The following KCTD1 variants were observed in gnomAD, a reference collection of about 807,000 sequenced individuals.
KCTD1 encodes potassium channel tetramerization domain containing 1, also known as BTB/POZ domain-containing protein KCTD1.
KCTD1 carries 24 observed loss-of-function variants against 66.0 expected under a neutral mutation model. The ratio of observed to expected loss-of-function variants is 0.36; its 90% CI spans 0.26 to 0.51. KCTD1 has a LOEUF of 0.51. KCTD1 is among the 20% of genes least tolerant of loss of function. The pLI is 0.95. For synonymous variants in KCTD1, 511 were observed against 517.2 expected (o/e 0.99, Z 0.16); for missense variants, 943 against 1,205.2 (o/e 0.78, Z 3.22).
upstream of KCTD1, among the ~76,000 whole-genome samples, chr18:26,632,615 A>T (rs908516038): frequency 6.6e-6 from 1 of 152,242 alleles, no homozygotes; most frequent in Admixed American, 6.5e-5. Flanking sequence ...AGAGAATACA[A>T]GAGTTTGAGG....
At chr18:26,603,371 G>A (rs1301356570) in intron 1 of KCTD1, among the ~76,000 whole-genome samples, 3 of 150,824 alleles carry the variant, frequency 2.0e-5, no homozygotes, top group African/African-American at 7.3e-5. Context: ...GGTTGAGGCT[G>A]CAGTGAACCA....
chr18:26,465,666 G>A (rs150216149), intron 3 of KCTD1, among the ~76,000 whole-genome samples: 3,142 of 152,330 alleles, frequency 0.021, 45 homozygotes, highest in Middle Eastern at 0.075. Context: ...CCGTGTCAGG[G>A]TGCTGACGGC....
At chr18:26,604,145 A>G (rs957737347) in intron 1 of KCTD1, among the ~76,000 whole-genome samples, 24 of 152,262 alleles carry the variant, frequency 1.6e-4, no homozygotes, top group Non-Finnish European at 4.4e-5. Flanking sequence ...CATGTGGCCA[A>G]CAAGTATATG....
intron 1 of KCTD1, among the ~76,000 whole-genome samples, chr18:26,515,580 A>T (rs566574687): frequency 6.9e-6 from 1 of 144,342 alleles, no homozygotes; most frequent in African/African-American, 2.6e-5. Flanking sequence ...TGCTCGGCTC[A>T]CTGCAACCTC....
In KCTD1 at chr18:26,585,206, A is replaced by G. The variant is rs947676769; in HGVS notation, c.-16+43941T>C. ...GGACCTCTATCTGTTGGGAAGGTAC[A>G]TTCCTTGTACATTTTGGCCACCGGC... On this transcript the variant is annotated intron_variant, in intron 1 of 4. Coordinates refer to the KCTD1 transcript ENST00000317932. 3.9e-5 allele frequency among the ~76,000 whole-genome samples: 6 copies of G among 152,308 alleles called. No homozygotes were observed. The South Asian group carries it at 1.2e-3, about 32-fold the overall frequency.
intron 1 of KCTD1, among the ~76,000 whole-genome samples, chr18:26,608,382 T>C (rs2144986689): frequency 6.6e-6 from 1 of 152,310 alleles, no homozygotes; most frequent in South Asian, 2.1e-4. Flanking sequence ...GGTTTTTCAG[T>C]TCTTTAGTTC....
chr18:26,545,200 A>G (rs1222420032), intron 1 of KCTD1: 1 of 152,168 alleles, frequency 6.6e-6, no homozygotes, highest in Non-Finnish European at 1.5e-5. Flanking sequence ...ACTTTCTTAG[A>G]CTTTTAACTC....
upstream of KCTD1, among the ~76,000 whole-genome samples, chr18:26,643,563 T>C (rs1025388065): frequency 3.3e-5 from 5 of 152,190 alleles, no homozygotes; most frequent in Non-Finnish European, 5.9e-5. Flanking sequence ...GGCAAAATTA[T>C]CTGATAAGTG....
At chr18:26,600,403 C>A in intron 1 of KCTD1, 1 of 845,324 alleles carries the variant, frequency 1.2e-6, no homozygotes, top group Non-Finnish European at 2.0e-6. Flanking sequence ...CAAATCCCAC[C>A]ACGGTGTCTC....
chr18:26,561,785 T>C (rs527827531), intron 1 of KCTD1, among the ~76,000 whole-genome samples: 2 of 152,194 alleles, frequency 1.3e-5, no homozygotes, highest in East Asian at 3.9e-4. Context: ...AGCCAAACAG[T>C]CTCTCTTTCT....
chr18:26,625,431 A>G lies in KCTD1; in HGVS notation c.-16+3716T>C, dbSNP rs536470121. Among the ~76,000 whole-genome samples the G allele has an allele frequency of 6.6e-4, 101 of 152,214 alleles. 1 individual carries two copies. Among genetic ancestry groups the G allele is most frequent in the African/African-American group, 1.9e-3 (77 of 41,518 alleles). On this transcript the variant is annotated intron_variant, in intron 1 of 4. Transcript: ENST00000317932. ...TGGTTACCTCCATGCTGTTCTCATG[A>G]TAGTTAGTTCTCATGAGATCTGATG... is the stretch of plus-strand genomic sequence containing the variant.
rs1985294651 is a variant in KCTD1 at position 26,547,339 on chromosome 18, G to C, written c.1198C>G (p.Pro400Ala). 1 of 1,551,484 alleles carries C rather than the reference G, an allele frequency of 6.4e-7. No homozygotes were observed. Among genetic ancestry groups the C allele is most frequent in the South Asian group, 1.2e-5 (1 of 84,062 alleles). ...CGCTGGAAGAACGCCTTGCAGAGAG[G>C]GTTGCGTTTCGACAGGTACTTGACG... The part of the protein sequence containing the change: ...SFVKYLSKRN[P>A]LCKAFFQRPR... Residue 400 changes from proline to alanine, a missense_variant, in exon 1 of 5, where the codon CCT becomes GCT. This residue lies in a region of KCTD1 where 79 missense variants were observed against 133.9 expected (regional missense o/e 0.59). Coordinates refer to ENST00000580059, the MANE Select transcript of KCTD1 (RefSeq NM_001142730.3).
intron 1 of KCTD1, among the ~76,000 whole-genome samples, chr18:26,621,485 T>C (rs764663446): frequency 2.0e-5 from 3 of 151,986 alleles, no homozygotes; most frequent in Non-Finnish European, 4.4e-5. Context: ...GTCTGCAATC[T>C]GGACTATACG....
rs112355111 is a variant in KCTD1 at position 26,577,731 on chromosome 18, T to C, written c.-16+51416A>G. 5.3e-3 allele frequency among the ~76,000 whole-genome samples: 805 copies of C among 151,910 alleles called. 2 individuals are homozygous for C. Among genetic ancestry groups the C allele is most frequent in the Non-Finnish European group, 9.2e-3 (628 of 67,992 alleles). On this transcript the variant is annotated intron_variant, in intron 1 of 4. Transcript: ENST00000317932. ...TGGCTAATTAGTTTTTAGTGTTTTT[T>C]TTTGTTTGTTTTTTTGTTTTTTTGT...
chr18:26,606,646 A>T (rs1382463985), intron 1 of KCTD1, among the ~76,000 whole-genome samples: 1 of 152,234 alleles, frequency 6.6e-6, no homozygotes, highest in Admixed American at 6.5e-5. Flanking sequence ...GGCCAAGTGC[A>T]GTGCTGCACA....
At chr18:26,607,952 G>A (rs1987054051) in intron 1 of KCTD1, among the ~76,000 whole-genome samples, 1 of 152,004 alleles carries the variant, frequency 6.6e-6, no homozygotes, top group African/African-American at 2.4e-5. Context: ...AAATTTGTTT[G>A]TAGAGTTGGG....
chr18:26,556,821 A>C (rs1169513953), intron 1 of KCTD1, among the ~76,000 whole-genome samples: 1 of 152,234 alleles, frequency 6.6e-6, no homozygotes, highest in Non-Finnish European at 1.5e-5. Context: ...TGAACAACTC[A>C]CCAGGCCAGG....
At chr18:26,459,475 A>G (rs539964797) in intron 4 of KCTD1, 145 bp downstream of exon 4, 1 of 707,968 alleles carries the variant, frequency 1.4e-6, no homozygotes, top group South Asian at 1.9e-5. Context: ...TGACTGCTAT[A>G]GAGGGTGATA....
intron 1 of KCTD1, among the ~76,000 whole-genome samples, chr18:26,593,360 AGAGGAG>A (rs551663896): frequency 1.1e-5 from 1 of 88,718 alleles, no homozygotes. Context: ...AGGAGGAGGA[AGAGGAG>A]GAGGAGGAAG....
Sources: allele counts gnomAD v4.1 joint callset (sites outside exome capture counted in the v4.1 genomes callset), GRCh38; gene constraint gnomAD v4.1.1; regional missense constraint gnomAD v4.1.1; transcripts MANE v1.5; gene names NCBI Gene and HGNC (gene_info 2026-07-23, HGNC 2026-07-21).